Variants in AKT3 observed in about 807,000 individuals in gnomAD.
AKT3 encodes AKT serine/threonine kinase 3, also known as RAC-gamma serine/threonine-protein kinase.
AKT3 carries 15 observed loss-of-function variants against 65.3 expected under a neutral mutation model. The observed-to-expected ratio is 0.23, with a 90% confidence interval of 0.15 to 0.35. The LOEUF is 0.35. AKT3 is among the 10% of genes least tolerant of loss of function. AKT3 has a pLI of 1.00. For synonymous variants in AKT3, 206 were observed against 183.8 expected (o/e 1.12, Z -0.98); for missense variants, 243 against 576.5 (o/e 0.42, Z 5.92).
At chr1:243,690,310 C>A (rs1684605819) in intron 3 of AKT3, among the ~76,000 whole-genome samples, 2 of 152,086 alleles carry the variant, frequency 1.3e-5, no homozygotes, top group Non-Finnish European at 2.9e-5. Flanking sequence ...TACAAATTGT[C>A]AAAATGTTAG....
At chr1:243,548,520 T>C (rs1481733232) in intron 11 of AKT3, among the ~76,000 whole-genome samples, 2 of 152,210 alleles carry the variant, frequency 1.3e-5, no homozygotes, top group Non-Finnish European at 2.9e-5. Context: ...AACACACTTC[T>C]TCAATGTGTG....
intron 13 of AKT3, among the ~76,000 whole-genome samples, chr1:243,507,210 C>T (rs1339931973): frequency 6.6e-6 from 1 of 152,186 alleles, no homozygotes; most frequent in Non-Finnish European, 1.5e-5. Flanking sequence ...CATTCCAGCC[C>T]GGCGAGGTTC....
At chr1:243,774,931 T>A (rs1403079707) in intron 2 of AKT3, among the ~76,000 whole-genome samples, 2 of 152,128 alleles carry the variant, frequency 1.3e-5, no homozygotes, top group Non-Finnish European at 2.9e-5. Context: ...GGTGCAAATA[T>A]GGCTTTCTGC....
At chr1:243,542,348 G>C (rs1438279043) in intron 12 of AKT3, among the ~76,000 whole-genome samples, 1 of 152,104 alleles carries the variant, frequency 6.6e-6, no homozygotes, top group Non-Finnish European at 1.5e-5. Context: ...ATCCAACTTT[G>C]TTCTTTCATG....
intron 5 of AKT3, among the ~76,000 whole-genome samples, chr1:243,639,258 A>G (rs1277780160): frequency 6.6e-6 from 1 of 152,214 alleles, no homozygotes; most frequent in Non-Finnish European, 1.5e-5. Context: ...TCATCAAAGA[A>G]AACTCCAGGC....
intron 12 of AKT3, among the ~76,000 whole-genome samples, chr1:243,539,688 T>G (rs1672172812): frequency 1.3e-5 from 2 of 152,190 alleles, no homozygotes; most frequent in South Asian, 4.1e-4. Flanking sequence ...AACAGAAAGA[T>G]ATCTGAAAAA....
chr1:243,635,384 T>C (rs1679900540), intron 6 of AKT3, among the ~76,000 whole-genome samples: 1 of 150,360 alleles, frequency 6.7e-6, no homozygotes. Flanking sequence ...AGGAAAAAAA[T>C]AAATTAACCC....
At chr1:243,767,578 G>T (rs778256373) in intron 2 of AKT3, among the ~76,000 whole-genome samples, 46 of 151,874 alleles carry the variant, frequency 3.0e-4, no homozygotes, top group Non-Finnish European at 4.4e-4. Flanking sequence ...TCACAAGAAA[G>T]AAGTATTTTC....
chr1:243,544,086 G>A lies in AKT3; in HGVS notation c.1251+1424C>T, dbSNP rs552627570. Among the ~76,000 whole-genome samples the A allele has an allele frequency of 9.2e-4, 140 of 152,200 alleles. 1 individual carries two copies. Among genetic ancestry groups the A allele is most frequent in the African/African-American group, 3.1e-3 (128 of 41,540 alleles). On this transcript the variant is annotated intron_variant, in intron 12 of 13. Coordinates refer to ENST00000673466, the MANE Select transcript of AKT3 (RefSeq NM_005465.7). Reference sequence around the variant, plus strand: ...AATGTTTCAGAGAAAAATATGAAATGTTGGAATAAACTGAAATGGATGAAC... The same window carrying A: ...AATGTTTCAGAGAAAAATATGAAATATTGGAATAAACTGAAATGGATGAAC...
intron 1 of AKT3, chr1:243,843,548 A>AT: frequency 8.6e-6 from 9 of 1,047,750 alleles, no homozygotes; most frequent in Non-Finnish European, 1.0e-5. Flanking sequence ...GCCTACCCAA[A>AT]TAATAGAGAA....
At chr1:243,810,847 T>C (rs1016688254) in intron 2 of AKT3, among the ~76,000 whole-genome samples, 1 of 152,182 alleles carries the variant, frequency 6.6e-6, no homozygotes, top group Admixed American at 6.5e-5. Flanking sequence ...GTGGGCTTCA[T>C]CCCTGGGATG....
At chr1:243,805,612 C>T (rs1433213059) in intron 2 of AKT3, among the ~76,000 whole-genome samples, 3 of 152,112 alleles carry the variant, frequency 2.0e-5, no homozygotes, top group Non-Finnish European at 2.9e-5. Flanking sequence ...CTTTTATTGT[C>T]AAATCCAATG....
At chr1:243,526,502 C>A (rs1217565994) in intron 12 of AKT3, among the ~76,000 whole-genome samples, 1 of 152,064 alleles carries the variant, frequency 6.6e-6, no homozygotes, top group Admixed American at 6.6e-5. Context: ...AAATCTCCCA[C>A]GAGAATCTTA....
intron 2 of AKT3, among the ~76,000 whole-genome samples, chr1:243,707,148 A>G: frequency 6.6e-6 from 1 of 152,210 alleles, no homozygotes; most frequent in East Asian, 1.9e-4. Context: ...TCTCAGAGTA[A>G]GGCTAAGGAA....
chr1:243,733,017 T>C (rs1687650796), intron 2 of AKT3, among the ~76,000 whole-genome samples: 2 of 152,246 alleles, frequency 1.3e-5, no homozygotes, highest in African/African-American at 4.8e-5. Flanking sequence ...CTGTTAGAAG[T>C]ACTTTGAAAC....
intron 5 of AKT3, among the ~76,000 whole-genome samples, chr1:243,642,471 GGTTA>G (rs1323593000): frequency 2.2e-4 from 33 of 151,894 alleles, no homozygotes; most frequent in African/African-American, 8.0e-4. Flanking sequence ...CACCACGCCT[GGTTA>G]ATTTTTTGTA....
At chr1:243,553,181 A>C (rs1673187015) in intron 10 of AKT3, among the ~76,000 whole-genome samples, 1 of 145,616 alleles carries the variant, frequency 6.9e-6, no homozygotes, top group Admixed American at 6.8e-5. Context: ...AGGTCGTACA[A>C]AAAAAAAAAA....
chr1:243,707,608 G>T (rs320339), intron 2 of AKT3, among the ~76,000 whole-genome samples: 46,211 of 151,888 alleles, frequency 0.3, 9,267 homozygotes, highest in African/African-American at 0.57. Context: ...ATTATTCTGG[G>T]TTTTTTTAAT....
chr1:243,710,082 T>A (rs543775875), intron 2 of AKT3, among the ~76,000 whole-genome samples: 1 of 152,294 alleles, frequency 6.6e-6, no homozygotes, highest in East Asian at 1.9e-4. Context: ...GTTTTCAACA[T>A]ACTGGCCAAT....
Sources: gnomAD v4.1 joint callset for allele counts (sites outside exome capture counted in the v4.1 genomes callset) on GRCh38, gnomAD v4.1.1 for gene constraint, MANE v1.5 for transcripts, NCBI Gene and HGNC (gene_info 2026-07-23, HGNC 2026-07-21) for gene names.